The following VPS53 variants were observed in gnomAD, a reference collection of about 807,000 sequenced individuals.
VPS53 encodes vacuolar protein sorting-associated protein 53 homolog.
VPS53 carries 70 observed loss-of-function variants against 107.0 expected under a neutral mutation model. That is an observed-to-expected ratio of 0.65 (90% CI 0.54 to 0.80). VPS53 has a LOEUF of 0.80. Among genes scored for constraint, VPS53 ranks in the 30% least tolerant of loss-of-function variants. VPS53 has a pLI of 0.00. For synonymous variants in VPS53, 409 were observed against 393.3 expected (o/e 1.04, Z -0.47); for missense variants, 917 against 1,049.4 (o/e 0.87, Z 1.74).
intron 4 of VPS53, among the ~76,000 whole-genome samples, chr17:671,114 C>T (rs1971921120): frequency 1.3e-5 from 2 of 151,998 alleles, no homozygotes; most frequent in African/African-American, 4.8e-5. Context: ...ACCTGTAATC[C>T]CAGCTACTGG....
intron 20 of VPS53, among the ~76,000 whole-genome samples, 199 bp downstream of exon 20, chr17:521,402 C>G (rs1314758056): frequency 6.6e-6 from 1 of 152,124 alleles, no homozygotes; most frequent in Non-Finnish European, 1.5e-5. Context: ...ATTCATTTGT[C>G]AGAAGGAATT....
chr17:658,491 C>T lies in VPS53; in HGVS notation c.373-2538G>A, dbSNP rs566681410. On this transcript the variant is annotated intron_variant, in intron 5 of 21. Transcript: ENST00000437048. ...GCCGTGAGTTCGTGGATAGATACAT[C>T]CCACTGAAGTGAGAAACTCGGCAGG... Among the ~76,000 whole-genome samples, 13 of 150,830 alleles carry T rather than the reference C, an allele frequency of 8.6e-5. 1 individual carries two copies. The South Asian group carries it at 1.7e-3, about 20-fold the overall frequency.
intron 20 of VPS53, 27 bp downstream of exon 20, chr17:521,574 C>A (rs766675975): frequency 2.8e-5 from 43 of 1,511,138 alleles, no homozygotes; most frequent in Non-Finnish European, 3.8e-5. Flanking sequence ...AAATAAATAA[C>A]TGGCCCCTTT....
chr17:521,106 C>T (rs1908719459), intron 20 of VPS53, among the ~76,000 whole-genome samples: 1 of 152,244 alleles, frequency 6.6e-6, no homozygotes, highest in Non-Finnish European at 1.5e-5. Flanking sequence ...GGCAGATGCG[C>T]AGGGCTTCAG....
intron 13 of VPS53, 93 bp downstream of exon 13, chr17:586,177 T>C (rs1967300744): frequency 7.0e-6 from 8 of 1,149,308 alleles, no homozygotes; most frequent in Non-Finnish European, 1.0e-5. Context: ...CAACCATCTT[T>C]CAGCCCCGGA....
intron 11 of VPS53, among the ~76,000 whole-genome samples, chr17:615,134 C>T (rs1041069771): frequency 6.6e-6 from 1 of 152,174 alleles, no homozygotes; most frequent in African/African-American, 2.4e-5. Flanking sequence ...AATTTCAAGG[C>T]ATTTTAATTT....
chr17:586,653 T>G (rs1386422435), intron 12 of VPS53, among the ~76,000 whole-genome samples: 2 of 152,232 alleles, frequency 1.3e-5, no homozygotes, highest in Non-Finnish European at 2.9e-5. Context: ...TTTTCCAGAA[T>G]TTAAATCCCA....
chr17:571,092 C>T (rs1332741500), intron 13 of VPS53, among the ~76,000 whole-genome samples: 1 of 152,010 alleles, frequency 6.6e-6, no homozygotes, highest in Non-Finnish European at 1.5e-5. Context: ...GCCAGCAGAT[C>T]ACTTGAGCCC....
intron 4 of VPS53, among the ~76,000 whole-genome samples, chr17:686,840 G>C (rs1382609485): frequency 6.6e-6 from 1 of 152,140 alleles, no homozygotes. Context: ...GTGCAAAAAA[G>C]GTGTTTTAAA....
intron 15 of VPS53, 55 bp from the exon 16 acceptor site, chr17:553,517 C>A (rs1218753862): frequency 2.5e-5 from 33 of 1,302,996 alleles, no homozygotes; most frequent in South Asian, 1.2e-5. Flanking sequence ...AAAGAAGTAC[C>A]ATCACAATAA....
At chr17:663,640 G>A (rs899563111) in intron 4 of VPS53, among the ~76,000 whole-genome samples, 2 of 152,034 alleles carry the variant, frequency 1.3e-5, no homozygotes, top group Admixed American at 1.3e-4. Context: ...AGCAGGCCAC[G>A]GATGTGTATA....
chr17:655,630 C>T (rs1971159189), intron 6 of VPS53, among the ~76,000 whole-genome samples: 1 of 152,206 alleles, frequency 6.6e-6, no homozygotes, highest in Non-Finnish European at 1.5e-5. Context: ...CTTCTGGGGT[C>T]CCCTTTTGAC....
At chr17:620,504 G>A (rs921257192) in intron 11 of VPS53, among the ~76,000 whole-genome samples, 3 of 152,262 alleles carry the variant, frequency 2.0e-5, no homozygotes, top group South Asian at 2.1e-4. Flanking sequence ...TCAGTTTCAC[G>A]GTCTTACACA....
At chr17:629,381 G>A (rs1212681126) in intron 8 of VPS53, among the ~76,000 whole-genome samples, 1 of 152,048 alleles carries the variant, frequency 6.6e-6, no homozygotes, top group Non-Finnish European at 1.5e-5. Context: ...GTTGTGCCTT[G>A]GAAAAATTTT....
At chr17:675,273 T>C (rs1972106188) in intron 4 of VPS53, 1 of 152,220 alleles carries the variant, frequency 6.6e-6, no homozygotes, top group Non-Finnish European at 1.5e-5. Flanking sequence ...TTCTGACTTA[T>C]TAGAAGTAGC....
chr17:681,083 A>G (rs1972375471), intron 4 of VPS53, among the ~76,000 whole-genome samples: 1 of 152,210 alleles, frequency 6.6e-6, no homozygotes, highest in South Asian at 2.1e-4. Context: ...TGTTTTTTGA[A>G]AAATAACTAT....
chr17:561,704 A>G (rs1209385491), intron 14 of VPS53, among the ~76,000 whole-genome samples: 1 of 152,172 alleles, frequency 6.6e-6, no homozygotes, highest in Non-Finnish European at 1.5e-5. Flanking sequence ...ATCTCGGCTC[A>G]GCGCAACCTC....
intron 9 of VPS53, among the ~76,000 whole-genome samples, chr17:627,774 TCACACA>T (rs60407745): frequency 6.6e-6 from 1 of 150,652 alleles, no homozygotes; most frequent in East Asian, 2.0e-4. Context: ...AAACTCCGTC[TCACACA>T]CACACACACA....
rs1398123746 is a variant in VPS53, at chr17:515,102, A to C, written c.*4026T>G. ...TTACCACTATTTATTTTAAACCCAAAGTGACTTCAAAGTTGTTTTTTGGTT... is the reference window on the plus strand; with the variant it reads ...TTACCACTATTTATTTTAAACCCAACGTGACTTCAAAGTTGTTTTTTGGTT... On this transcript the variant is annotated 3_prime_UTR_variant, in exon 22 of 22. Coordinates refer to ENST00000437048, the MANE Select transcript of VPS53 (RefSeq NM_001128159.3). 6.6e-6 allele frequency: 1 copy of C among 152,170 alleles called. No individual in the cohort carries two copies. The highest frequency in any genetic ancestry group is 1.5e-5 in the Non-Finnish European group (1 of 68,034). The allele number at this position is 152,170 out of a possible 1,614,324, so 9.4% of individuals were successfully genotyped here. A position where few individuals can be genotyped will look rare whatever the true frequency, so the allele number is the denominator to read the frequency against.
Sources: allele counts gnomAD v4.1 joint callset (sites outside exome capture counted in the v4.1 genomes callset), GRCh38; gene constraint gnomAD v4.1.1; transcripts MANE v1.5; gene names NCBI Gene and HGNC (gene_info 2026-07-23, HGNC 2026-07-21).